Variants in EIF3J observed in about 807,000 individuals in gnomAD.
EIF3J encodes eukaryotic translation initiation factor 3 subunit J, also known as eukaryotic translation initiation factor 3, subunit 1 (alpha, 35kD).
In EIF3J, 15 loss-of-function variants were observed where a neutral mutation model predicts 39.0. The observed-to-expected ratio is 0.38, with a 90% CI of 0.26 to 0.59. The LOEUF (loss-of-function observed/expected upper bound fraction) is 0.59, where lower values mean the gene tolerates loss of function less well. EIF3J is among the 20% of genes least tolerant of loss of function. EIF3J has a pLI of 0.60. For missense variants in EIF3J, 226 were observed against 308.6 expected (o/e 0.73, Z 2.00); for synonymous variants, 98 against 112.9 (o/e 0.87, Z 0.84).
chr15:44,556,207 C>G (rs778721759), intron 5 of EIF3J, among the ~76,000 whole-genome samples: 1 of 152,152 alleles, frequency 6.6e-6, no homozygotes, highest in Admixed American at 6.5e-5. Flanking sequence ...TGTTTACCCC[C>G]GCTTAGCTTC....
At chr15:44,550,474 T>C (rs983834772) in intron 2 of EIF3J, among the ~76,000 whole-genome samples, 2 of 152,016 alleles carry the variant, frequency 1.3e-5, no homozygotes, top group Non-Finnish European at 2.9e-5. Context: ...TAATTTTTTT[T>C]TTTTTTGCAG....
At chr15:44,540,153 G>A (rs1212119343) in intron 2 of EIF3J, among the ~76,000 whole-genome samples, 4 of 147,594 alleles carry the variant, frequency 2.7e-5, no homozygotes, top group Non-Finnish European at 4.5e-5. Context: ...TGGCCAGGCC[G>A]GTCTTGAACT....
chr15:44,557,901 C>T lies in EIF3J; in HGVS notation c.571+251C>T, dbSNP rs551818553. The T allele has an allele frequency of 9.9e-4, 244 of 246,420 alleles. 1 individual carries two copies. Among genetic ancestry groups the T allele is most frequent in the African/African-American group, 5.2e-3 (233 of 45,220 alleles). The allele number at this position is 246,420 out of a possible 1,614,324, so 15.3% of individuals were successfully genotyped here. ...TTCCCTAAGAGATACCTGGGCTTGT[C>T]AGCAAAGCAGCTAATAAAACACTGG... is the stretch of plus-strand genomic sequence containing the variant. On this transcript the variant is annotated intron_variant, in intron 6 of 7. Transcript: ENST00000261868.
At chr15:44,549,661 G>A (rs765736299) in intron 2 of EIF3J, among the ~76,000 whole-genome samples, 1 of 151,668 alleles carries the variant, frequency 6.6e-6, no homozygotes, top group Non-Finnish European at 1.5e-5. Context: ...CAGCTACTCG[G>A]GAGGCTGAGG....
intron 2 of EIF3J, among the ~76,000 whole-genome samples, chr15:44,549,821 A>G (rs1408700170): frequency 1.3e-5 from 2 of 149,878 alleles, no homozygotes; most frequent in African/African-American, 4.9e-5. Context: ...TGAGCCAGGC[A>G]TGGTGGTGTA....
chr15:44,544,203 T>C (rs1045938683), intron 2 of EIF3J, among the ~76,000 whole-genome samples: 1 of 151,364 alleles, frequency 6.6e-6, no homozygotes, highest in Admixed American at 6.6e-5. Flanking sequence ...AAAGTGATTC[T>C]TGGGCATCAG....
chr15:44,562,546 C>T lies in EIF3J; in HGVS notation c.*1397C>T, dbSNP rs1020140298. 6.5e-6 allele frequency: 1 copy of T among 153,044 alleles called. No individual in the cohort carries two copies. The allele number at this position is 153,044 out of a possible 1,614,324, so 9.5% of individuals were successfully genotyped here. A position where few individuals can be genotyped will look rare whatever the true frequency, so the allele number is the denominator to read the frequency against. On this transcript the variant is annotated 3_prime_UTR_variant, in exon 8 of 8. Transcript: ENST00000261868. ...ATAGGAACGTCAAAGCTCTGTATAC[C>T]TACTAAGTGGAAAACAAGACCATCA...
chr15:44,551,570 T>G (rs2082099384), intron 4 of EIF3J, 48 bp downstream of exon 4: 3 of 1,418,502 alleles, frequency 2.1e-6, no homozygotes, highest in Non-Finnish European at 2.9e-6. Flanking sequence ...GGTAGTGGTA[T>G]AGTTTCTAAC....
intron 6 of EIF3J, among the ~76,000 whole-genome samples, chr15:44,559,359 C>T (rs1195528842): frequency 6.7e-6 from 1 of 149,262 alleles, no homozygotes; most frequent in Non-Finnish European, 1.5e-5. Context: ...CTGTGGTGAG[C>T]CGAGATCACG....
chr15:44,562,302 T>A lies in EIF3J; in HGVS notation c.*1153T>A, dbSNP rs932210863. ...TATTTATTTGGGGACATTATTTTGT[T>A]ATTTAGATACCAAGGCCTAATTAAT... is the stretch of plus-strand genomic sequence containing the variant. On this transcript the variant is annotated 3_prime_UTR_variant, in exon 8 of 8. Transcript: ENST00000261868. 6.6e-6 allele frequency: 1 copy of A among 152,622 alleles called. No individual in the cohort carries two copies. The highest frequency in any genetic ancestry group is 2.1e-4 in the South Asian group (1 of 4,828). 9.5% of individuals were successfully genotyped at this position (152,622 alleles called of 1,614,324 possible). A position where few individuals can be genotyped will look rare whatever the true frequency, so the allele number is the denominator to read the frequency against.
intron 2 of EIF3J, among the ~76,000 whole-genome samples, chr15:44,549,764 CAAA>C (rs774290941): frequency 3.5e-4 from 4 of 11,470 alleles, no homozygotes; most frequent in East Asian, 2.1e-3. Context: ...GACTCCGTCT[CAAA>C]AAAAAAAAAA....
At position 44,550,049 on chromosome 15, in the gene EIF3J, A is replaced by G. The variant is rs139097390; in HGVS notation, c.148-827A>G. 8.5e-3 allele frequency among the ~76,000 whole-genome samples: 1,291 copies of G among 152,294 alleles called. 20 individuals carry two copies. The highest frequency in any genetic ancestry group is 0.027 in the African/African-American group (1,135 of 41,548). On this transcript the variant is annotated intron_variant, in intron 2 of 7. Coordinates refer to ENST00000261868, the MANE Select transcript of EIF3J (RefSeq NM_003758.4). ...ACAATAGAGGCATTTCCATCAAGAA[A>G]GCAAGGATGCCCATTACTTCTGCTG...
chr15:44,550,662 A>G (rs2082091401), intron 2 of EIF3J: 1 of 427,886 alleles, frequency 2.3e-6, no homozygotes, highest in East Asian at 3.6e-5. Flanking sequence ...TGAAAGGTAC[A>G]AAAATGTACT....
intron 2 of EIF3J, among the ~76,000 whole-genome samples, chr15:44,539,566 A>G (rs1423605290): frequency 6.7e-6 from 1 of 149,698 alleles, no homozygotes; most frequent in Non-Finnish European, 1.5e-5. Context: ...ACGCCCGGCT[A>G]ATTTTTTCTA....
In EIF3J at chr15:44,561,006, T is replaced by C. The variant is rs1464323903; in HGVS notation, c.646-12T>C. The C allele has an allele frequency of 1.9e-6, 3 of 1,612,446 alleles. No individual in the cohort carries two copies. The highest frequency in any genetic ancestry group is 1.7e-5 in the Admixed American group (1 of 59,942). On this transcript the variant is annotated splice_polypyrimidine_tract_variant and intron_variant, in intron 7 of 7. Coordinates refer to ENST00000261868, the MANE Select transcript of EIF3J (RefSeq NM_003758.4). ...CACTAAGGTTCATGAATTAACTCTCTTTCATCTTTAGCAAAGCAAAGCCAA... is the reference window on the plus strand; with the variant it reads ...CACTAAGGTTCATGAATTAACTCTCCTTCATCTTTAGCAAAGCAAAGCCAA...
intron 2 of EIF3J, among the ~76,000 whole-genome samples, chr15:44,550,490 G>A (rs571694403): frequency 5.8e-4 from 87 of 150,572 alleles, no homozygotes; most frequent in African/African-American, 2.0e-3. Context: ...TGCAGAGACT[G>A]GGTCTTGCCG....
At chr15:44,546,907 C>T (rs867187766) in intron 2 of EIF3J, among the ~76,000 whole-genome samples, 11 of 135,514 alleles carry the variant, frequency 8.1e-5, no homozygotes, top group Admixed American at 1.7e-4. Context: ...ACTGCAGCTT[C>T]GCCTCCTGTG....
intron 2 of EIF3J, among the ~76,000 whole-genome samples, chr15:44,544,905 G>A (rs566969135): frequency 3.3e-5 from 5 of 151,938 alleles, no homozygotes; most frequent in African/African-American, 1.2e-4. Flanking sequence ...TCAGGAGGCT[G>A]AGGCAGGAAA....
In EIF3J at chr15:44,541,504, C is replaced by G. The variant is rs58500366; in HGVS notation, c.147+4077C>G. Reference sequence around the variant, plus strand: ...GCCAGCCTGGGCAACATAGCAAGACCCCAACACATTTAAAGAGAGAGCGAT... The same window carrying G: ...GCCAGCCTGGGCAACATAGCAAGACGCCAACACATTTAAAGAGAGAGCGAT... On this transcript the variant is annotated intron_variant, in intron 2 of 7. Coordinates refer to ENST00000261868, the MANE Select transcript of EIF3J (RefSeq NM_003758.4). 5.8e-3 allele frequency among the ~76,000 whole-genome samples: 881 copies of G among 152,262 alleles called. 20 individuals are homozygous for G. The highest frequency in any genetic ancestry group is 0.057 in the East Asian group (297 of 5,186).
Sources: allele counts gnomAD v4.1 joint callset (sites outside exome capture counted in the v4.1 genomes callset), GRCh38; gene constraint gnomAD v4.1.1; transcripts MANE v1.5; gene names NCBI Gene and HGNC (gene_info 2026-07-23, HGNC 2026-07-21).